MYO9B: variants seen among roughly 807,000 people sequenced by gnomAD.
MYO9B encodes the protein myosin IXB.
A neutral mutation model predicts 229.5 loss-of-function variants in MYO9B; 71 were observed. The ratio of observed to expected loss-of-function variants is 0.31; its 90% confidence interval spans 0.26 to 0.38. The LOEUF (loss-of-function observed/expected upper bound fraction) is 0.38, where lower values mean the gene tolerates loss of function less well. Among genes scored for constraint, MYO9B ranks in the 10% least tolerant of loss-of-function variants. MYO9B has a pLI of 1.00. For missense variants in MYO9B, 2,255 were observed against 2,920.5 expected (o/e 0.77, Z 5.25); for synonymous variants, 1,185 against 1,235.8 (o/e 0.96, Z 0.86).
At position 17,102,200 on chromosome 19, in the gene MYO9B, C is replaced by T; in HGVS notation, c.483C>T (p.Asn161=). The change falls in exon 2 of 40, where the codon AAC becomes AAT. Residue 161 remains asparagine (N), a synonymous_variant. Coordinates refer to ENST00000682292, the MANE Select transcript of MYO9B (RefSeq NM_004145.4). ...ACCTCCCCGAGCTAACCGAGGGCAACCTCCTGAAGAACCTCAAGCACCGCT... is the reference window on the plus strand; with the variant it reads ...ACCTCCCCGAGCTAACCGAGGGCAATCTCCTGAAGAACCTCAAGCACCGCT... The part of the protein sequence containing the change: ...LCNLPELTEG[N]LLKNLKHRFL... 6.2e-7 allele frequency: 1 copy of T among 1,613,988 alleles called. No homozygotes were observed. Among genetic ancestry groups the T allele is most frequent in the African/African-American group, 1.3e-5 (1 of 75,058 alleles).
In MYO9B at chr19:17,185,976, G is replaced by A. The variant is rs764917816; in HGVS notation, c.2552G>A (p.Arg851His). The stretch of plus-strand genomic sequence containing the variant: ...GGGAAGGCGGAGCCCTTCTTTATCC[G>A]CTGCATCCGTTCCAATGCTGAAAAG... Reference protein sequence around the residue: ...ALGKAEPFFIRCIRSNAEKKE... With the variant: ...ALGKAEPFFIHCIRSNAEKKE... The change falls in exon 18 of 40, where the codon CGC (arginine) becomes CAC (histidine). Residue 851 changes from arginine to histidine, a missense_variant. Arg to His is a conservative substitution (Grantham distance 29). Around this residue, in one of 7 missense-constraint regions of MYO9B, gnomAD observed 68 missense variants for 133.5 expected, o/e 0.51. Coordinates refer to ENST00000682292, the MANE Select transcript of MYO9B (RefSeq NM_004145.4). 3 of 1,613,614 alleles carry A rather than the reference G, an allele frequency of 1.9e-6. No individual in the cohort carries two copies. Among genetic ancestry groups the A allele is most frequent in the Non-Finnish European group, 2.5e-6 (3 of 1,179,744 alleles).
chr19:17,211,939 A>G lies in MYO9B; in HGVS notation c.6103A>G (p.Ser2035Gly). 8 of 778,322 alleles carry G rather than the reference A, an allele frequency of 1.0e-5. No homozygotes were observed. Among genetic ancestry groups the G allele is most frequent in the South Asian group, 1.6e-5 (1 of 64,366 alleles). The allele number at this position is 778,322 out of a possible 1,614,324, so 48.2% of individuals were successfully genotyped here. ...ALPCPGAPTP[S>G]PLPTVAAPPR... ...CCCTTGCCCCGGCGCGCCCACCCCG[A>G]GCCCCCTCCCCACCGTGGCCGCCCC... Residue 2035 changes from serine (S) to glycine (G), a missense_variant, in exon 40 of 40, where the codon AGC becomes GGC. Physicochemically the swap from Ser to Gly is moderately conservative, Grantham distance 56. This residue lies in a region of MYO9B where 331 missense variants were observed against 332.5 expected (regional missense o/e 1.00). Coordinates refer to ENST00000682292, the MANE Select transcript of MYO9B (RefSeq NM_004145.4).
At chr19:17,129,928 C>G (rs912592432) in intron 2 of MYO9B, among the ~76,000 whole-genome samples, 3 of 152,098 alleles carry the variant, frequency 2.0e-5, no homozygotes, top group Non-Finnish European at 4.4e-5. Flanking sequence ...CAATCCCTCT[C>G]CCTCAGCCTC....
At chr19:17,123,703 C>G (rs1599346563) in intron 2 of MYO9B, among the ~76,000 whole-genome samples, 3 of 152,134 alleles carry the variant, frequency 2.0e-5, no homozygotes, top group African/African-American at 7.2e-5. Flanking sequence ...GCCACCACAC[C>G]TGGCCACAAA....
At chr19:17,158,865 C>T (rs534942815) in intron 7 of MYO9B, among the ~76,000 whole-genome samples, 16 of 152,324 alleles carry the variant, frequency 1.1e-4, no homozygotes, top group African/African-American at 7.2e-5. Flanking sequence ...CAAGCCCGTG[C>T]TATGTGGGAA....
In MYO9B at chr19:17,194,747, A is replaced by G. The variant is rs2073022463; in HGVS notation, c.3320A>G (p.Asp1107Gly). The change falls in exon 22 of 40, where the codon GAC (aspartate) becomes GGC (glycine). Residue 1107 changes from aspartate (D) to glycine (G), a missense_variant. By Grantham distance (94) the Asp-to-Gly change is moderately conservative (BLOSUM62 -1). Coordinates refer to ENST00000682292, the MANE Select transcript of MYO9B (RefSeq NM_004145.4). ...LASEPEVQPS[D>G]RSPLEHSSPE... ...TCGGAGCCTGAGGTGCAGCCAAGTG[A>G]CAGGTCCCCCCTAGAGCACTCCTCA... The G allele has an allele frequency of 6.2e-7, 1 of 1,613,098 alleles. No homozygotes were observed. Among genetic ancestry groups the G allele is most frequent in the African/African-American group, 1.3e-5 (1 of 75,028 alleles).
chr19:17,150,962 A>G lies in MYO9B; in HGVS notation c.936-1682A>G, dbSNP rs547496807. 2.4e-4 allele frequency among the ~76,000 whole-genome samples: 34 copies of G among 139,434 alleles called. 1 individual carries two copies. The highest frequency in any genetic ancestry group is 8.2e-4 in the African/African-American group (33 of 40,460). The allele number at this position is 139,434 out of a possible 152,430, so 91.5% of individuals were successfully genotyped here. A position where few individuals can be genotyped will look rare whatever the true frequency, so the allele number is the denominator to read the frequency against. ...TCTGAGAACTTAATTTGGAGGAAAC[A>G]CTTTAACTGCTTGGCACAGAGAAAA... On this transcript the variant is annotated intron_variant, in intron 3 of 39. Transcript: ENST00000682292.
Position 17,191,118 on chromosome 19 carries a change from G to A in MYO9B, c.2710G>A (p.Val904Met), listed in dbSNP as rs2072979924. Reference sequence around the variant, plus strand: ...CTAGGATTTCACCGAGCAGTTCCAGGTGCTCCTGCCCAAGGATGCCCAGCC... The same window carrying A: ...CTAGGATTTCACCGAGCAGTTCCAGATGCTCCTGCCCAAGGATGCCCAGCC... ...TFQDFTEQFQVLLPKDAQPCR... is the reference protein window; with the variant it reads ...TFQDFTEQFQMLLPKDAQPCR... The change falls in exon 20 of 40, where the codon GTG (valine) becomes ATG (methionine). Residue 904 changes from valine (V) to methionine (M), a missense_variant. Physicochemically the swap from Val to Met is conservative, Grantham distance 21 (BLOSUM62 1). This residue lies in a region of MYO9B where 679 missense variants were observed against 770.2 expected (regional missense o/e 0.88). Transcript: ENST00000682292. 5.0e-6 allele frequency: 8 copies of A among 1,612,622 alleles called. No individual in the cohort carries two copies. The highest frequency in any genetic ancestry group is 6.8e-6 in the Non-Finnish European group (8 of 1,179,340).
At chr19:17,170,042 C>G (rs1351845063) in intron 11 of MYO9B, among the ~76,000 whole-genome samples, 1 of 151,596 alleles carries the variant, frequency 6.6e-6, no homozygotes, top group Non-Finnish European at 1.5e-5. Flanking sequence ...GGGGTTTTTT[C>G]ACCATGTTGG....
chr19:17,206,447 C>A, intron 33 of MYO9B, 71 bp downstream of exon 33: 1 of 1,555,570 alleles, frequency 6.4e-7, no homozygotes, highest in East Asian at 2.3e-5. Context: ...GTGACCAGCC[C>A]AGGAGGCAGG....
Position 17,212,385 on chromosome 19 carries a change from A to G in MYO9B, c.*75A>G. On this transcript the variant is annotated 3_prime_UTR_variant, in exon 40 of 40. Coordinates refer to ENST00000682292, the MANE Select transcript of MYO9B (RefSeq NM_004145.4). The surrounding 1 kb of genome is among the most constrained non-coding windows in gnomAD (Gnocchi z 5.4). ...AGCTGGGCGCCAGAGCTGCAGAGCT[A>G]GTGTTCGGCCCTCAGAGAAGGATCC... 7.2e-7 allele frequency: 1 copy of G among 1,383,920 alleles called. No individual in the cohort carries two copies. The highest frequency in any genetic ancestry group is 9.4e-7 in the Non-Finnish European group (1 of 1,061,420). 85.7% of individuals were successfully genotyped at this position (1,383,920 alleles called of 1,614,324 possible). A position where few individuals can be genotyped will look rare whatever the true frequency, so the allele number is the denominator to read the frequency against.
At chr19:17,085,825 G>A (rs112529938) in intron 1 of MYO9B, among the ~76,000 whole-genome samples, 33 of 152,258 alleles carry the variant, frequency 2.2e-4, no homozygotes, top group African/African-American at 5.8e-4. Flanking sequence ...GCTTTCCTCC[G>A]GGCGTGACGA....
At position 17,212,617 on chromosome 19, in the gene MYO9B, A is replaced by C. The variant is rs3842959; in HGVS notation, c.*307A>C. Reference sequence around the variant, plus strand: ...TTAACTGTTTCTTTGTACGTGGTTTACGTAACTTTAAACTGTAACAGCCTT... The same window carrying C: ...TTAACTGTTTCTTTGTACGTGGTTTCCGTAACTTTAAACTGTAACAGCCTT... On this transcript the variant is annotated 3_prime_UTR_variant, in exon 40 of 40. Transcript: ENST00000682292. This position sits in a 1 kb window ranked among gnomAD's most constrained non-coding sequence, Gnocchi z 5.4. The C allele has an allele frequency of 0.067, 25,905 of 385,034 alleles. 1,062 individuals are homozygous for C. Among genetic ancestry groups the C allele is most frequent in the African/African-American group, 0.12 (5,584 of 48,036 alleles). 23.9% of individuals were successfully genotyped at this position (385,034 alleles called of 1,614,324 possible).
At position 17,200,768 on chromosome 19, in the gene MYO9B, T is replaced by C. The variant is rs773918739; in HGVS notation, c.4502T>C (p.Val1501Ala). Residue 1501 changes from valine (V) to alanine (A), a missense_variant, in exon 26 of 40, where the codon GTG becomes GCG. By Grantham distance (64) the Val-to-Ala change is moderately conservative. This residue lies in a region of MYO9B where 416 missense variants were observed against 605.5 expected (regional missense o/e 0.69). Coordinates refer to ENST00000682292, the MANE Select transcript of MYO9B (RefSeq NM_004145.4). ...GTGTCAGAGAAGTGGCGGGAATCGG[T>C]GTTCCGCCAGATCACCAACGCCAAT... ...ITVSEKWRES[V>A]FRQITNANEL... 1.9e-6 allele frequency: 3 copies of C among 1,613,462 alleles called. No homozygotes were observed. Among genetic ancestry groups the C allele is most frequent in the Non-Finnish European group, 1.7e-6 (2 of 1,179,744 alleles).
At chr19:17,080,949 G>A (rs1417480164) in intron 1 of MYO9B, among the ~76,000 whole-genome samples, 1 of 151,950 alleles carries the variant, frequency 6.6e-6, no homozygotes, top group Non-Finnish European at 1.5e-5. Context: ...ATATTTCTTT[G>A]TGGAGGGGAG....
intron 22 of MYO9B, 90 bp from the exon 23 acceptor site, chr19:17,197,702 T>A (rs1321799309): frequency 1.7e-5 from 25 of 1,477,852 alleles, no homozygotes; most frequent in Non-Finnish European, 2.3e-5. Flanking sequence ...GGGGCAGAAC[T>A]GCCCAAGTGA....
At chr19:17,096,663 TTTGTTG>T (rs150244722) in intron 1 of MYO9B, among the ~76,000 whole-genome samples, 14,829 of 115,564 alleles carry the variant, frequency 0.13, 1,443 homozygotes, top group Non-Finnish European at 0.14. Flanking sequence ...GTTCAGATAG[TTTGTTG>T]TTGTTGTTGT....
chr19:17,210,182 C>T (rs1009211388), intron 36 of MYO9B, 151 bp from the exon 37 acceptor site: 5 of 692,462 alleles, frequency 7.2e-6, no homozygotes, highest in South Asian at 2.8e-5. Flanking sequence ...ATCAGCCCCA[C>T]AGTGCAGGGG....
chr19:17,163,578 G>A (rs1347888110), intron 10 of MYO9B, among the ~76,000 whole-genome samples: 1 of 151,902 alleles, frequency 6.6e-6, no homozygotes, highest in East Asian at 1.9e-4. Flanking sequence ...ATGTTGCTCA[G>A]GCTAGTCTCG....
Sources: allele counts gnomAD v4.1 joint callset (sites outside exome capture counted in the v4.1 genomes callset), GRCh38; gene constraint gnomAD v4.1.1; regional missense constraint gnomAD v4.1.1; non-coding constraint Gnocchi (gnomAD v3.1); transcripts MANE v1.5; gene names NCBI Gene and HGNC (gene_info 2026-07-23, HGNC 2026-07-21).